SSUH2: variants seen among roughly 807,000 people sequenced by gnomAD.
The protein encoded by SSUH2 is protein SSUH2 homolog.
SSUH2 carries 47 observed loss-of-function variants against 55.3 expected under a neutral mutation model. That is an observed-to-expected ratio of 0.85 (90% CI 0.67 to 1.08). The LOEUF (loss-of-function observed/expected upper bound fraction) is 1.08, where lower values mean the gene tolerates loss of function less well. Among genes scored for constraint, SSUH2 ranks in the 50% least tolerant of loss-of-function variants. SSUH2 has a pLI of 0.00. For synonymous variants in SSUH2, 212 were observed against 191.5 expected, an observed-to-expected ratio of 1.11 and a Z score of -0.89; for missense variants, 535 against 490.7, an observed-to-expected ratio of 1.09 and a Z score of -0.85.
At chr3:8,669,298 T>C (rs1382208172) in intron 5 of SSUH2, among the ~76,000 whole-genome samples, 2 of 152,176 alleles carry the variant, frequency 1.3e-5, no homozygotes, top group Non-Finnish European at 2.9e-5. Context: ...ACATTTTTTA[T>C]AACCCAAAGA....
intron 6 of SSUH2, among the ~76,000 whole-genome samples, chr3:8,660,049 C>T (rs986675151): frequency 3.9e-5 from 6 of 152,196 alleles, no homozygotes; most frequent in Admixed American, 2.0e-4. Context: ...CTGTACCACT[C>T]GGGTCCCAAC....
rs138830386 is a variant in SSUH2, at chr3:8,623,628, C to G, written c.902G>C (p.Arg301Pro). The G allele has an allele frequency of 9.1e-6, 14 of 1,541,186 alleles. No homozygotes were observed. The highest frequency in any genetic ancestry group is 1.7e-4 in the Middle Eastern group (1 of 5,996). ...CCTCTGGGAGGCAAGAGAGATGTCT[C>G]GCAGAGGGAAGTCCACGATGGGGTA... ...VVYPIVDFPL[R>P]DISLASQRGI... Residue 301 changes from arginine to proline, a missense_variant, in exon 11 of 12, where the codon CGA (arginine) becomes CCA (proline). Arg to Pro is a moderately radical substitution (Grantham distance 103, BLOSUM62 -2). Transcript: ENST00000544814.
intron 2 of SSUH2, among the ~76,000 whole-genome samples, chr3:8,678,677 T>C (rs59557138): frequency 0.2 from 6,327 of 31,412 alleles, 2,090 homozygotes; most frequent in African/African-American, 0.53. Context: ...GAGGCGGGGA[T>C]TGAGAGCCAG....
At chr3:8,627,512 G>C in intron 8 of SSUH2, 186 bp downstream of exon 8, 3 of 428,742 alleles carry the variant, frequency 7.0e-6, no homozygotes, top group Non-Finnish European at 1.3e-5. Context: ...GCCTTGTCCA[G>C]AAATGCCAGG....
intron 1 of SSUH2, among the ~76,000 whole-genome samples, chr3:8,639,670 T>A (rs1700513205): frequency 6.6e-6 from 1 of 152,204 alleles, no homozygotes; most frequent in African/African-American, 2.4e-5. Context: ...GTTCTCTTTT[T>A]AAAATGTCAT....
At chr3:8,638,852 G>C (rs1426250820) in intron 1 of SSUH2, among the ~76,000 whole-genome samples, 2 of 152,188 alleles carry the variant, frequency 1.3e-5, no homozygotes, top group Non-Finnish European at 2.9e-5. Flanking sequence ...CCACCCACAA[G>C]TCTTGGGTCT....
chr3:8,681,165 G>C (rs558658770), intron 1 of SSUH2, among the ~76,000 whole-genome samples: 1 of 145,652 alleles, frequency 6.9e-6, no homozygotes, highest in South Asian at 2.2e-4. Context: ...CATAGCAGGG[G>C]GGGGAGTCAC....
At chr3:8,633,892 G>C (rs1029989098) in intron 3 of SSUH2, 97 bp from the exon 4 acceptor site, 74 of 1,613,856 alleles carry the variant, frequency 4.6e-5, no homozygotes, top group Non-Finnish European at 5.7e-5. Flanking sequence ...GAGAAACTGA[G>C]GCCACGGTAG....
At position 8,641,183 on chromosome 3, in the gene SSUH2, C is replaced by T. The variant is rs141174362; in HGVS notation, c.28+3548G>A. ...CTGTCCTGTGCCCCTTGGCACTCCA[C>T]TCCACTTCTCCACTGTTGTTTTGCC... On this transcript the variant is annotated intron_variant, in intron 1 of 11. Transcript: ENST00000544814. Among the ~76,000 whole-genome samples, 178 of 152,354 alleles carry T rather than the reference C, an allele frequency of 1.2e-3. 5 individuals are homozygous for T. In the South Asian group the frequency reaches 0.014, roughly 12 times the overall value.
chr3:8,625,767 A>T (rs1219479500), intron 9 of SSUH2, 120 bp from the exon 10 acceptor site: 1 of 658,408 alleles, frequency 1.5e-6, no homozygotes, highest in East Asian at 2.7e-5. Flanking sequence ...ACCTTGCAAC[A>T]GTTCTGTAGC....
chr3:8,637,926 A>T (rs1383456429), intron 1 of SSUH2, among the ~76,000 whole-genome samples: 2 of 152,216 alleles, frequency 1.3e-5, no homozygotes, highest in African/African-American at 2.4e-5. Context: ...AAGTAAAAAT[A>T]ATATACCCTG....
At chr3:8,622,008 C>T (rs565356180) in intron 11 of SSUH2, among the ~76,000 whole-genome samples, 39 of 151,746 alleles carry the variant, frequency 2.6e-4, no homozygotes, top group African/African-American at 9.2e-4. Flanking sequence ...TTGCTCAAGA[C>T]ATCAATTGCC....
intron 4 of SSUH2, 120 bp from the exon 5 acceptor site, chr3:8,632,229 A>G: frequency 5.2e-6 from 4 of 763,022 alleles, no homozygotes; most frequent in Non-Finnish European, 8.9e-6. Flanking sequence ...GTCCATGCAC[A>G]ACACCCTCGG....
At chr3:8,641,737 C>A (rs1361240367) in intron 1 of SSUH2, among the ~76,000 whole-genome samples, 1 of 152,254 alleles carries the variant, frequency 6.6e-6, no homozygotes, top group African/African-American at 2.4e-5. Flanking sequence ...ACACTGAGAT[C>A]CCCCGTCAGT....
At position 8,659,586 on chromosome 3, in the gene SSUH2, C is replaced by G. The variant is rs1376594223; in HGVS notation, c.-395-573G>C. ...CCAAGTCCATATCATGTCTTTCCAGCTGGGTTGGAAGAATCTGCTGGAGGC... is the reference window on the plus strand; with the variant it reads ...CCAAGTCCATATCATGTCTTTCCAGGTGGGTTGGAAGAATCTGCTGGAGGC... On this transcript the variant is annotated intron_variant, in intron 6 of 18. Coordinates refer to the SSUH2 transcript ENST00000317371. 11 of 333,060 alleles carry G rather than the reference C, an allele frequency of 3.3e-5. No homozygotes were observed. The East Asian group carries it at 8.6e-4, about 26-fold the overall frequency. 20.6% of individuals were successfully genotyped at this position (333,060 alleles called of 1,614,324 possible). A position where few individuals can be genotyped will look rare whatever the true frequency, so the allele number is the denominator to read the frequency against.
chr3:8,665,403 G>T (rs1273241544), intron 5 of SSUH2, among the ~76,000 whole-genome samples: 3 of 152,144 alleles, frequency 2.0e-5, no homozygotes. Flanking sequence ...AATTAGCATA[G>T]TCTGTTGACA....
At chr3:8,661,975 G>A (rs560795382) in intron 6 of SSUH2, among the ~76,000 whole-genome samples, 15 of 152,206 alleles carry the variant, frequency 9.9e-5, no homozygotes, top group African/African-American at 3.4e-4. Flanking sequence ...TCTCTCTCTT[G>A]TCTGCTTCCA....
At chr3:8,679,501 T>C (rs1262276848) in intron 2 of SSUH2, among the ~76,000 whole-genome samples, 20 of 141,208 alleles carry the variant, frequency 1.4e-4, no homozygotes, top group African/African-American at 5.1e-4. Flanking sequence ...ATTCCCCCCC[T>C]GGCTTTGGGA....
intron 11 of SSUH2, among the ~76,000 whole-genome samples, chr3:8,620,878 G>C (rs1180313296): frequency 6.6e-6 from 1 of 152,258 alleles, no homozygotes; most frequent in African/African-American, 2.4e-5. Flanking sequence ...TTAGTTGGCT[G>C]TGCCAGGCTA....
Sources: gnomAD v4.1 joint callset for allele counts (sites outside exome capture counted in the v4.1 genomes callset) on GRCh38, gnomAD v4.1.1 for gene constraint, MANE v1.5 for transcripts, NCBI Gene and HGNC (gene_info 2026-07-23, HGNC 2026-07-21) for gene names.